Variants in TMEM131L observed in about 807,000 individuals in gnomAD.
The protein encoded by TMEM131L is transmembrane 131 like.
In TMEM131L, 54 loss-of-function variants were observed where a neutral mutation model predicts 192.2. That is an observed-to-expected ratio of 0.28 (90% CI 0.23 to 0.35). The LOEUF is 0.35. TMEM131L is among the 10% of genes least tolerant of loss of function. The pLI, the probability that TMEM131L is intolerant of heterozygous loss-of-function variation, is 1.00. For synonymous variants in TMEM131L, 701 were observed against 704.9 expected, an observed-to-expected ratio of 0.99 and a Z score of 0.09; for missense variants, 1,888 against 1,972.9, an observed-to-expected ratio of 0.96 and a Z score of 0.82.
intron 26 of TMEM131L, among the ~76,000 whole-genome samples, chr4:153,619,782 G>C (rs1733257368): frequency 6.6e-6 from 1 of 152,208 alleles, no homozygotes; most frequent in African/African-American, 2.4e-5. Flanking sequence ...CCAACCTTCT[G>C]AAAGAGAAGG....
At chr4:153,491,917 G>C (rs1384672205) in intron 3 of TMEM131L, among the ~76,000 whole-genome samples, 1 of 151,994 alleles carries the variant, frequency 6.6e-6, no homozygotes, top group Non-Finnish European at 1.5e-5. Context: ...TGTTTCCCAG[G>C]CTGGTCTTGA....
chr4:153,614,642 G>T (rs1245949544), intron 26 of TMEM131L, among the ~76,000 whole-genome samples: 1 of 152,198 alleles, frequency 6.6e-6, no homozygotes, highest in East Asian at 1.9e-4. Context: ...CAGGATGCCT[G>T]TTACGTAGAA....
At chr4:153,496,327 G>A (rs147121946) in intron 3 of TMEM131L, among the ~76,000 whole-genome samples, 2 of 152,012 alleles carry the variant, frequency 1.3e-5, no homozygotes, top group Non-Finnish European at 2.9e-5. Context: ...TTAAATACGG[G>A]GCTGCTCCAT....
At chr4:153,604,580 TCAAGA>T (rs1732085074) in intron 25 of TMEM131L, 150 bp downstream of exon 25, 4 of 818,048 alleles carry the variant, frequency 4.9e-6, no homozygotes, top group Middle Eastern at 2.4e-4. Flanking sequence ...AATGAAAAGT[TCAAGA>T]CAAGACATCA....
At chr4:153,509,670 T>C (rs972352691) in intron 3 of TMEM131L, among the ~76,000 whole-genome samples, 1 of 152,134 alleles carries the variant, frequency 6.6e-6, no homozygotes, top group Non-Finnish European at 1.5e-5. Flanking sequence ...TGAGCTGAGA[T>C]CGTACCACTG....
At chr4:153,549,221 C>T (rs925799518) in intron 3 of TMEM131L, among the ~76,000 whole-genome samples, 1 of 152,178 alleles carries the variant, frequency 6.6e-6, no homozygotes, top group Non-Finnish European at 1.5e-5. Flanking sequence ...CCTGCCTTGG[C>T]CTCTCAAAGT....
intron 3 of TMEM131L, 70 bp downstream of exon 3, chr4:153,473,958 C>A (rs372180780): frequency 4.9e-6 from 5 of 1,016,360 alleles, no homozygotes; most frequent in Non-Finnish European, 7.4e-6. Flanking sequence ...TCTCTGAAGT[C>A]TCAGTATATG....
At chr4:153,484,658 C>T (rs1166224663) in intron 3 of TMEM131L, among the ~76,000 whole-genome samples, 43 of 148,414 alleles carry the variant, frequency 2.9e-4, no homozygotes, top group African/African-American at 9.8e-4. Flanking sequence ...TCAGTAGAGA[C>T]GGGGTTTCAC....
At chr4:153,527,283 G>C (rs1735561151) in intron 3 of TMEM131L, among the ~76,000 whole-genome samples, 1 of 151,668 alleles carries the variant, frequency 6.6e-6, no homozygotes. Flanking sequence ...TTTCTTTGTG[G>C]GGGGGCGGTG....
intron 31 of TMEM131L, among the ~76,000 whole-genome samples, chr4:153,631,799 A>G (rs944585547): frequency 6.6e-6 from 1 of 152,164 alleles, no homozygotes; most frequent in African/African-American, 2.4e-5. Flanking sequence ...TCCGCTCTCT[A>G]TAGCCTCATC....
intron 29 of TMEM131L, among the ~76,000 whole-genome samples, chr4:153,624,104 GT>G (rs11407959): frequency 0.012 from 1,622 of 140,254 alleles, 31 homozygotes; most frequent in African/African-American, 0.039. Flanking sequence ...TTTTCACTCA[GT>G]TTTTTTTTTT....
chr4:153,612,113 A>G (rs1478506873), intron 25 of TMEM131L, 139 bp from the exon 26 acceptor site: 1 of 534,574 alleles, frequency 1.9e-6, no homozygotes, highest in African/African-American at 2.0e-5. Context: ...AAATTTCTAG[A>G]GCATCATGGA....
Position 153,524,707 on chromosome 4 carries a change from G to A in TMEM131L, c.240-25366G>A, listed in dbSNP as rs143749658. Among the ~76,000 whole-genome samples the A allele has an allele frequency of 3.9e-5, 6 of 152,302 alleles. No individual in the cohort carries two copies. The East Asian group carries it at 7.7e-4, about 20-fold the overall frequency. On this transcript the variant is annotated intron_variant, in intron 3 of 34. Transcript: ENST00000409959. Reference sequence around the variant, plus strand: ...AAGCACCCCTCTGGGTTTCCATTTCGTGGCCTGGAGGAGGAGAAATTTAGA... The same window carrying A: ...AAGCACCCCTCTGGGTTTCCATTTCATGGCCTGGAGGAGGAGAAATTTAGA...
At position 153,520,476 on chromosome 4, in the gene TMEM131L, T is replaced by G. The variant is rs147604354; in HGVS notation, c.240-29597T>G. On this transcript the variant is annotated intron_variant, in intron 3 of 34. Coordinates refer to ENST00000409959, the MANE Select transcript of TMEM131L (RefSeq NM_001131007.2). ...AGAGTGAGATCCTGTCTCTGATAGATAAATACATAAATAAAAACTCAAAAG... is the reference window on the plus strand; with the variant it reads ...AGAGTGAGATCCTGTCTCTGATAGAGAAATACATAAATAAAAACTCAAAAG... Among the ~76,000 whole-genome samples, 682 of 152,122 alleles carry G rather than the reference T, an allele frequency of 4.5e-3. 1 individual carries two copies. Among genetic ancestry groups the G allele is most frequent in the Admixed American group, 7.7e-3 (117 of 15,268 alleles).
At chr4:153,474,236 A>T (rs1480246847) in intron 3 of TMEM131L, among the ~76,000 whole-genome samples, 1 of 152,216 alleles carries the variant, frequency 6.6e-6, no homozygotes, top group Non-Finnish European at 1.5e-5. Context: ...TGTTTCGTGT[A>T]GTGGGCAAGT....
intron 3 of TMEM131L, among the ~76,000 whole-genome samples, chr4:153,513,441 A>G (rs1314762525): frequency 1.3e-5 from 2 of 152,164 alleles, no homozygotes; most frequent in African/African-American, 4.8e-5. Context: ...GAAGGGGTTC[A>G]GTTTTCTTTT....
At chr4:153,596,162 AAG>A in intron 19 of TMEM131L, 94 bp from the exon 20 acceptor site, 1 of 1,416,294 alleles carries the variant, frequency 7.1e-7, no homozygotes, top group Non-Finnish European at 9.7e-7. Context: ...TGGACATTAA[AAG>A]AGAAGCAATC....
At chr4:153,576,900 A>C (rs769373330) in intron 7 of TMEM131L, among the ~76,000 whole-genome samples, 1 of 152,108 alleles carries the variant, frequency 6.6e-6, no homozygotes, top group African/African-American at 2.4e-5. Flanking sequence ...GCCCACCTCT[A>C]TCCACTCATC....
At chr4:153,591,256 G>T (rs1731047513) in intron 17 of TMEM131L, 62 bp downstream of exon 17, 1 of 1,439,166 alleles carries the variant, frequency 6.9e-7, no homozygotes, top group Non-Finnish European at 9.2e-7. Flanking sequence ...GGTTTTCAAA[G>T]TACCAGATTG....
Sources: allele counts gnomAD v4.1 joint callset (sites outside exome capture counted in the v4.1 genomes callset), GRCh38; gene constraint gnomAD v4.1.1; transcripts MANE v1.5; gene names NCBI Gene and HGNC (gene_info 2026-07-23, HGNC 2026-07-21).